CLEC18C: variants seen among roughly 807,000 people sequenced by gnomAD.
CLEC18C encodes mannose receptor-like 3.
A neutral mutation model predicts 27.2 loss-of-function variants in CLEC18C; 2 were observed. That is an observed-to-expected ratio of 0.07 (90% CI 0.03 to 0.23). CLEC18C has a LOEUF of 0.23. Ranked by LOEUF, CLEC18C falls within the 10% of genes least tolerant of loss-of-function variation. The pLI is 1.00. For synonymous variants in CLEC18C, 13 were observed against 112.8 expected (o/e 0.12, Z 5.61); for missense variants, 31 against 269.0 (o/e 0.12, Z 6.19).
Position 70,177,387 on chromosome 16 carries a change from T to C in CLEC18C, c.363T>C (p.Val121=), listed in dbSNP as rs2549610. 468,770 of 1,471,168 alleles carry C rather than the reference T, an allele frequency of 0.32. 36,108 individuals carry two copies. The highest frequency in any genetic ancestry group is 0.33 in the Non-Finnish European group (355,029 of 1,080,206). The allele number at this position is 1,471,168 out of a possible 1,614,324, so 91.1% of individuals were successfully genotyped here. ...QLLPAGLASF[V]EVVSLWFAEG... is the part of the protein sequence containing the mutation. The stretch of plus-strand genomic sequence containing the variant: ...TGCCCGCGGGCTTGGCGTCCTTTGT[T>C]GAAGTGGTCAGCCTATGGTTTGCAG... The change falls in exon 4 of 13, where the codon GTT becomes GTC. Residue 121 remains valine, a synonymous_variant. Coordinates refer to ENST00000541793, the MANE Select transcript of CLEC18C (RefSeq NM_173619.4).
At chr16:70,179,290 T>C (rs1433187639) in intron 4 of CLEC18C, among the ~76,000 whole-genome samples, 121 of 141,066 alleles carry the variant, frequency 8.6e-4, no homozygotes, top group African/African-American at 2.9e-3. Context: ...GACGGAGTCT[T>C]GCTCTGTCGC....
rs749774416 is a variant in CLEC18C, at chr16:70,174,252, G to A, written c.-27G>A. The A allele has an allele frequency of 9.1e-6, 12 of 1,311,574 alleles. 4 individuals carry two copies. The highest frequency in any genetic ancestry group is 7.2e-5 in the South Asian group (6 of 83,462). The allele number at this position is 1,311,574 out of a possible 1,614,324, so 81.2% of individuals were successfully genotyped here. On this transcript the variant is annotated 5_prime_UTR_variant, in exon 2 of 13. Coordinates refer to ENST00000541793, the MANE Select transcript of CLEC18C (RefSeq NM_173619.4). ...CGGGTGGCTGAGCCAGGCTGTGCAC[G>A]GAGTGCCTGACGGGCCCAACAGACC...
intron 3 of CLEC18C, among the ~76,000 whole-genome samples, chr16:70,176,664 G>A (rs1239981883): frequency 7.2e-6 from 1 of 139,484 alleles, no homozygotes; most frequent in Non-Finnish European, 1.5e-5. Flanking sequence ...GGGAGGCGGA[G>A]GTTGCAGTAA....
In CLEC18C at chr16:70,186,623, A is replaced by G. The variant is rs572826147; in HGVS notation, c.*103A>G. On this transcript the variant is annotated 3_prime_UTR_variant, in exon 13 of 13. Coordinates refer to ENST00000541793, the MANE Select transcript of CLEC18C (RefSeq NM_173619.4). The stretch of plus-strand genomic sequence containing the variant: ...GGGCCAGGTTAAGACCACATGCCTC[A>G]TGTCCAAAGAGGTCTCAGACCTTGC... 502 of 853,280 alleles carry G rather than the reference A, an allele frequency of 5.9e-4. 25 individuals are homozygous for G. The highest frequency in any genetic ancestry group is 2.1e-3 in the Admixed American group (83 of 39,546). 52.9% of individuals were successfully genotyped at this position (853,280 alleles called of 1,614,324 possible). A position where few individuals can be genotyped will look rare whatever the true frequency, so the allele number is the denominator to read the frequency against.
Position 70,174,997 on chromosome 16 carries a change from C to A in CLEC18C, c.175C>A (p.Arg59Ser). Reference protein sequence around the residue: ...FLLLSLHNRLRSWVQPPAADM... With the variant: ...FLLLSLHNRLSSWVQPPAADM... ...GCTCCTCTCCCTGCACAACCGCCTG[C>A]GCAGCTGGGTCCAGCCCCCTGCGGC... is the stretch of plus-strand genomic sequence containing the variant. The change falls in exon 3 of 13, where the codon CGC becomes AGC. Residue 59 changes from arginine (R) to serine (S), a missense_variant. Physicochemically the swap from Arg to Ser is moderately radical, Grantham distance 110. Transcript: ENST00000541793. 1.5e-6 allele frequency: 2 copies of A among 1,308,076 alleles called. No homozygotes were observed. Among genetic ancestry groups the A allele is most frequent in the African/African-American group, 1.9e-5 (1 of 51,406 alleles). 81.0% of individuals were successfully genotyped at this position (1,308,076 alleles called of 1,614,324 possible).
Position 70,185,936 on chromosome 16 carries a change from C to A in CLEC18C, c.1263C>A (p.Asn421Lys), listed in dbSNP as rs753905589. Residue 421 changes from asparagine to lysine, a missense_variant, in exon 12 of 13, where the codon AAC becomes AAA. By Grantham distance (94) the Asn-to-Lys change is moderately conservative. Coordinates refer to ENST00000541793, the MANE Select transcript of CLEC18C (RefSeq NM_173619.4). ...LQASAAFNWNNQRCKTRNRYI... is the reference protein window; with the variant it reads ...LQASAAFNWNKQRCKTRNRYI... The stretch of plus-strand genomic sequence containing the variant: ...CTTCAGCTGCCTTCAACTGGAACAA[C>A]CAGCGCTGCAAAACCCGAAACCGTT... The A allele has an allele frequency of 3.1e-6, 5 of 1,593,882 alleles. 1 individual carries two copies. The East Asian group carries it at 9.5e-5, about 30-fold the overall frequency.
At chr16:70,185,818 G>A (rs1968453654) in intron 11 of CLEC18C, 67 bp from the exon 12 acceptor site, 3 of 1,513,780 alleles carry the variant, frequency 2.0e-6, no homozygotes, top group Non-Finnish European at 2.6e-6. Context: ...GATGGGTGGA[G>A]GGCTTAGGCC....
chr16:70,177,758 C>T (rs1455623610), intron 4 of CLEC18C, among the ~76,000 whole-genome samples: 1 of 107,036 alleles, frequency 9.3e-6, no homozygotes, highest in African/African-American at 3.7e-5. Flanking sequence ...CATGTGCCAC[C>T]AGGCCTGGCT....
chr16:70,178,257 G>GTATT lies in CLEC18C; in HGVS notation c.456+791_456+794dup, dbSNP rs1281538797. ...AATATAAATAATTTCAAACATAAAC[G>GTATT]TATTTATTTATTTATTTGAGACGAA... On this transcript the variant is annotated intron_variant, in intron 4 of 12. Transcript: ENST00000541793. Among the ~76,000 whole-genome samples, 3 of 111,914 alleles carry GTATT rather than the reference G, an allele frequency of 2.7e-5. No individual in the cohort carries two copies. The Admixed American group carries it at 2.9e-4, about 11-fold the overall frequency. The allele number at this position is 111,914 out of a possible 152,430, so 73.4% of individuals were successfully genotyped here. A position where few individuals can be genotyped will look rare whatever the true frequency, so the allele number is the denominator to read the frequency against.
chr16:70,174,508 CG>C, intron 2 of CLEC18C, 106 bp downstream of exon 2: 7 of 713,560 alleles, frequency 9.8e-6, no homozygotes, highest in Non-Finnish European at 1.5e-5. Context: ...AGCCCCAGGC[CG>C]TGCGGGTGGT....
chr16:70,186,223 C>T (rs1302904790), intron 12 of CLEC18C, among the ~76,000 whole-genome samples: 1 of 148,372 alleles, frequency 6.7e-6, no homozygotes, highest in East Asian at 2.1e-4. Context: ...CAGGGGATTT[C>T]TCCAAGGACC....
intron 3 of CLEC18C, among the ~76,000 whole-genome samples, chr16:70,176,870 G>A (rs1258849011): frequency 9.9e-5 from 11 of 111,240 alleles, no homozygotes; most frequent in Admixed American, 7.5e-4. Flanking sequence ...GCATGGCCGG[G>A]TGGGAGCAGT....
chr16:70,178,073 AT>A (rs1460997052), intron 4 of CLEC18C, among the ~76,000 whole-genome samples: 1 of 43,376 alleles, frequency 2.3e-5, no homozygotes, highest in Non-Finnish European at 4.5e-5. Flanking sequence ...CACCCAGCTC[AT>A]TTTTTTGTAT....
chr16:70,174,441 T>C, intron 2 of CLEC18C, 39 bp downstream of exon 2: 1 of 1,299,928 alleles, frequency 7.7e-7, no homozygotes. Context: ...GGAGGCACCA[T>C]TATGAGCTCT....
intron 4 of CLEC18C, among the ~76,000 whole-genome samples, chr16:70,179,232 C>G (rs984415481): frequency 7.4e-6 from 1 of 134,328 alleles, no homozygotes; most frequent in Non-Finnish European, 1.6e-5. Context: ...AACCAGTTCC[C>G]ACTTCCCGAA....
At chr16:70,176,450 G>A (rs1428415440) in intron 3 of CLEC18C, among the ~76,000 whole-genome samples, 1 of 148,476 alleles carries the variant, frequency 6.7e-6, no homozygotes. Flanking sequence ...GGAGGGGGCT[G>A]GGCACGGTGG....
intron 4 of CLEC18C, among the ~76,000 whole-genome samples, chr16:70,179,317 T>C (rs1286623001): frequency 7.4e-6 from 1 of 136,038 alleles, no homozygotes; most frequent in Non-Finnish European, 1.6e-5. Flanking sequence ...TACTGTGCAG[T>C]GGCGCGATCT....
chr16:70,179,953 A>C (rs1334998573), intron 4 of CLEC18C, among the ~76,000 whole-genome samples: 35 of 124,706 alleles, frequency 2.8e-4, no homozygotes, highest in East Asian at 2.1e-3. Flanking sequence ...TTAGATCATT[A>C]ATTTTAAATC....
Position 70,175,051 on chromosome 16 carries a change from C to G in CLEC18C, c.216+13C>G, listed in dbSNP as rs200441708. The G allele has an allele frequency of 1.2e-3, 1,303 of 1,106,046 alleles. 27 individuals are homozygous for G. Among genetic ancestry groups the G allele is most frequent in the Non-Finnish European group, 1.5e-3 (1,241 of 810,258 alleles). The allele number at this position is 1,106,046 out of a possible 1,614,324, so 68.5% of individuals were successfully genotyped here. A position where few individuals can be genotyped will look rare whatever the true frequency, so the allele number is the denominator to read the frequency against. ...CATGCGGAGGCTGGTGAGTACCCGA[C>G]CCAGCTGGGCTCTGCCAGGGGGGTG... On this transcript the variant is annotated intron_variant, in intron 3 of 12. Coordinates refer to ENST00000541793, the MANE Select transcript of CLEC18C (RefSeq NM_173619.4).
Sources: gnomAD v4.1 joint callset for allele counts (sites outside exome capture counted in the v4.1 genomes callset) on GRCh38, gnomAD v4.1.1 for gene constraint, MANE v1.5 for transcripts, NCBI Gene and HGNC (gene_info 2026-07-23, HGNC 2026-07-21) for gene names.